ZP3: variants seen among roughly 807,000 people sequenced by gnomAD.
ZP3 encodes zona pellucida sperm-binding protein 3.
Under a neutral mutation model 35.6 loss-of-function variants are expected in ZP3, and 21 were observed. The observed-to-expected ratio is 0.59, with a 90% CI of 0.42 to 0.85. The LOEUF (loss-of-function observed/expected upper bound fraction) is 0.85. ZP3 is among the 40% of genes least tolerant of loss of function. The probability of loss-of-function intolerance (pLI) is 0.00; values close to 1 mark genes in which losing one functional copy is unlikely to be tolerated. For synonymous variants in ZP3, 207 were observed against 214.5 expected, an observed-to-expected ratio of 0.96 and a Z score of 0.31; for missense variants, 437 against 536.5, an observed-to-expected ratio of 0.81 and a Z score of 1.83.
rs60553917 is a variant in ZP3, at chr7:76,436,030, C to CT, written c.831+1920dup. Among the ~76,000 whole-genome samples, 171 of 74,338 alleles carry CT rather than the reference C, an allele frequency of 2.3e-3. 23 individuals are homozygous for CT. Among genetic ancestry groups the CT allele is most frequent in the Non-Finnish European group, 3.0e-3 (117 of 38,940 alleles). The allele number at this position is 74,338 out of a possible 152,430, so 48.8% of individuals were successfully genotyped here. The stretch of plus-strand genomic sequence containing the variant: ...TGAACCACCACGCGCCCCCCGCCCC[C>CT]TTTTTTTTTTTTTTTTTTTTTTTTT... On this transcript the variant is annotated intron_variant, in intron 5 of 7. Coordinates refer to ENST00000394857, the MANE Select transcript of ZP3 (RefSeq NM_001110354.2).
chr7:76,399,787 G>A (rs537086211), intron 1 of ZP3, among the ~76,000 whole-genome samples: 13 of 152,158 alleles, frequency 8.5e-5, no homozygotes, highest in Non-Finnish European at 1.6e-4. Flanking sequence ...GCCTCCCAAA[G>A]TGCTGGAGTT....
At chr7:76,418,827 G>A (rs951326318) in intron 1 of ZP3, among the ~76,000 whole-genome samples, 1 of 152,186 alleles carries the variant, frequency 6.6e-6, no homozygotes, top group African/African-American at 2.4e-5. Context: ...CTGCACTCCA[G>A]CCTGGGCCAC....
At chr7:76,405,342 T>TCTTTCTTTCTTTC (rs1254961705) in intron 1 of ZP3, among the ~76,000 whole-genome samples, 22 of 85,878 alleles carry the variant, frequency 2.6e-4, no homozygotes, top group African/African-American at 3.2e-4. Flanking sequence ...TTTCTTTCTT[T>TCTTTCTTTCTTTC]TTTTTTTTTT....
exon 1 of ZP3, chr7:76,397,791 GACA>G (rs779470385): frequency 6.2e-7 from 1 of 1,606,084 alleles, no homozygotes; most frequent in Non-Finnish European, 8.5e-7. Flanking sequence ...ACTCGGCCCT[GACA>G]CAGGTTCGCG....
chr7:76,436,940 T>C (rs1028323107), intron 5 of ZP3, among the ~76,000 whole-genome samples: 5 of 152,116 alleles, frequency 3.3e-5, no homozygotes, highest in African/African-American at 1.2e-4. Flanking sequence ...GTCTGAGCCC[T>C]TGGAGGGCCC....
upstream of ZP3, among the ~76,000 whole-genome samples, chr7:76,421,170 G>T (rs1201633999): frequency 6.6e-6 from 1 of 151,954 alleles, no homozygotes; most frequent in Non-Finnish European, 1.5e-5. Flanking sequence ...TCCTGACCTC[G>T]TGATCTGCTC....
chr7:76,423,078 A>AGAAG (rs1170265653), upstream of ZP3, among the ~76,000 whole-genome samples: 3 of 145,894 alleles, frequency 2.1e-5, no homozygotes, highest in Non-Finnish European at 4.5e-5. Context: ...AAAGAAAGAA[A>AGAAG]GAAAGAAAAG....
intron 7 of ZP3, among the ~76,000 whole-genome samples, 185 bp downstream of exon 7, chr7:76,440,796 T>G (rs1199231865): frequency 2.1e-5 from 3 of 145,232 alleles, no homozygotes; most frequent in African/African-American, 7.4e-5. Flanking sequence ...GCCTTCCACC[T>G]CGGTGGCAGC....
intron 7 of ZP3, among the ~76,000 whole-genome samples, 177 bp from the exon 8 acceptor site, chr7:76,441,665 G>A (rs1400025304): frequency 1.3e-5 from 2 of 152,204 alleles, no homozygotes; most frequent in Admixed American, 1.3e-4. Context: ...TGGGATTACA[G>A]GCATTAGCCA....
chr7:76,429,378 A>G (rs1485966295), intron 1 of ZP3, 137 bp from the exon 2 acceptor site: 1 of 775,624 alleles, frequency 1.3e-6, no homozygotes, highest in Non-Finnish European at 2.2e-6. Flanking sequence ...GGTTACAGGC[A>G]TGAGTCACTG....
intron 1 of ZP3, chr7:76,401,179 A>G: frequency 8.0e-7 from 1 of 1,252,198 alleles, no homozygotes. Context: ...TGCTTTGCCA[A>G]AGCCCCATTG....
At chr7:76,410,684 T>C (rs1005781119) in intron 1 of ZP3, among the ~76,000 whole-genome samples, 1 of 152,056 alleles carries the variant, frequency 6.6e-6, no homozygotes, top group African/African-American at 2.4e-5. Context: ...TGCTGTTTCC[T>C]ATTTCTTGGA....
Position 76,397,695 on chromosome 7 carries a change from C to G in ZP3, c.-169C>G, listed in dbSNP as rs761923569. 3.7e-6 allele frequency: 6 copies of G among 1,613,394 alleles called. No individual in the cohort carries two copies. In the Admixed American group the frequency reaches 6.7e-5, roughly 18 times the overall value. On this transcript the variant is annotated 5_prime_UTR_variant, in exon 1 of 9. Transcript: ENST00000336517. Reference sequence around the variant, plus strand: ...GTGGCGGCCATGGCCGCCCCGCAGCCCAGCTGACGACAGACCACAGCGGCA... The same window carrying G: ...GTGGCGGCCATGGCCGCCCCGCAGCGCAGCTGACGACAGACCACAGCGGCA...
At chr7:76,440,817 T>G (rs970131678) in intron 7 of ZP3, among the ~76,000 whole-genome samples, 4 of 151,938 alleles carry the variant, frequency 2.6e-5, no homozygotes, top group Admixed American at 6.6e-5. Flanking sequence ...CAGGGAGATC[T>G]GCTGTCATCC....
upstream of ZP3, among the ~76,000 whole-genome samples, chr7:76,423,869 A>G (rs1241183594): frequency 6.6e-6 from 1 of 151,966 alleles, no homozygotes; most frequent in Admixed American, 6.6e-5. Flanking sequence ...CAAAAAAAAA[A>G]AAGAATGCCC....
intron 1 of ZP3, among the ~76,000 whole-genome samples, chr7:76,425,687 G>A (rs867262635): frequency 3.9e-5 from 6 of 152,144 alleles, no homozygotes; most frequent in African/African-American, 1.2e-4. Context: ...CAAGTGGGCC[G>A]GGTGCAGTGG....
chr7:76,437,625 T>C (rs1403015854), intron 5 of ZP3, among the ~76,000 whole-genome samples: 1 of 151,068 alleles, frequency 6.6e-6, no homozygotes, highest in Non-Finnish European at 1.5e-5. Flanking sequence ...TAGCTGGGAT[T>C]ATAGGCACCT....
chr7:76,432,133 C>A (rs1805847538), intron 2 of ZP3, among the ~76,000 whole-genome samples: 1 of 151,728 alleles, frequency 6.6e-6, no homozygotes, highest in Non-Finnish European at 1.5e-5. Context: ...AGCAATCCTC[C>A]CATCTCAGCC....
chr7:76,424,051 A>G (rs1233146245), upstream of ZP3, among the ~76,000 whole-genome samples: 2 of 152,090 alleles, frequency 1.3e-5, no homozygotes, highest in Admixed American at 6.6e-5. Context: ...GCAGAGACCC[A>G]TGAAATTCCT....
Sources: gnomAD v4.1 joint callset for allele counts (sites outside exome capture counted in the v4.1 genomes callset) on GRCh38, gnomAD v4.1.1 for gene constraint, MANE v1.5 for transcripts, NCBI Gene and HGNC (gene_info 2026-07-23, HGNC 2026-07-21) for gene names.